Variants in TRIM24 observed in about 807,000 individuals in gnomAD.
TRIM24 encodes transcription intermediary factor 1-alpha.
Under a neutral mutation model 123.9 loss-of-function variants are expected in TRIM24, and 29 were observed. The ratio of observed to expected loss-of-function variants is 0.23; its 90% confidence interval spans 0.17 to 0.32. TRIM24 has a LOEUF of 0.32. Among genes scored for constraint, TRIM24 ranks in the 10% least tolerant of loss-of-function variants. TRIM24 has a pLI of 1.00. For synonymous variants in TRIM24, 456 were observed against 461.1 expected, an observed-to-expected ratio of 0.99 and a Z score of 0.14; for missense variants, 932 against 1,295.3, an observed-to-expected ratio of 0.72 and a Z score of 4.31.
intron 1 of TRIM24, among the ~76,000 whole-genome samples, chr7:138,494,289 T>C (rs1379615411): frequency 6.6e-6 from 1 of 152,096 alleles, no homozygotes; most frequent in East Asian, 2.0e-4. Context: ...ACTGGTGTTA[T>C]TATTTTTTAA....
At chr7:138,478,620 G>A (rs1000498220) in intron 1 of TRIM24, among the ~76,000 whole-genome samples, 2 of 152,124 alleles carry the variant, frequency 1.3e-5, no homozygotes, top group African/African-American at 4.8e-5. Context: ...GGGACAACAG[G>A]TGCATGCTAC....
At chr7:138,541,156 A>T (rs1451899852) in intron 7 of TRIM24, among the ~76,000 whole-genome samples, 2 of 152,112 alleles carry the variant, frequency 1.3e-5, no homozygotes, top group Non-Finnish European at 2.9e-5. Flanking sequence ...GTATTTCTTA[A>T]TAATTATTTC....
intron 6 of TRIM24, among the ~76,000 whole-genome samples, chr7:138,535,191 A>C (rs1796840679): frequency 6.6e-6 from 1 of 152,156 alleles, no homozygotes; most frequent in Non-Finnish European, 1.5e-5. Context: ...TGTGTGTTTT[A>C]ATTGGAGCAT....
At chr7:138,496,417 T>C (rs1392953673) in intron 1 of TRIM24, among the ~76,000 whole-genome samples, 1 of 152,214 alleles carries the variant, frequency 6.6e-6, no homozygotes, top group Non-Finnish European at 1.5e-5. Flanking sequence ...CCAATCTGGA[T>C]TTATTTATTT....
chr7:138,531,240 CGTTACAT>C (rs922217830), intron 6 of TRIM24, among the ~76,000 whole-genome samples: 4 of 146,240 alleles, frequency 2.7e-5, no homozygotes, highest in Admixed American at 6.7e-5. Context: ...ACATGTTACA[CGTTACAT>C]GTTACATATG....
intron 7 of TRIM24, chr7:138,545,531 T>A: frequency 2.2e-6 from 1 of 456,840 alleles, no homozygotes; most frequent in South Asian, 1.5e-5. Flanking sequence ...GGATTGGAAT[T>A]AAGAGTACAA....
At chr7:138,479,608 G>T (rs1304895562) in intron 1 of TRIM24, among the ~76,000 whole-genome samples, 1 of 151,850 alleles carries the variant, frequency 6.6e-6, no homozygotes, top group East Asian at 1.9e-4. Context: ...TGCCTCCTGG[G>T]TTCAAGCAAT....
chr7:138,534,410 T>G (rs1171070309), intron 6 of TRIM24, among the ~76,000 whole-genome samples: 2 of 152,234 alleles, frequency 1.3e-5, no homozygotes, highest in Non-Finnish European at 2.9e-5. Context: ...CCAGGTACGT[T>G]GTGTCTTTGT....
chr7:138,559,108 G>A (rs146020633), intron 9 of TRIM24, among the ~76,000 whole-genome samples: 2 of 152,286 alleles, frequency 1.3e-5, no homozygotes, highest in Non-Finnish European at 2.9e-5. Context: ...TTCAAACCAA[G>A]TCTCAATAGG....
In TRIM24 at chr7:138,508,708, C is replaced by CGCGTGTGTGTGTGCGT. The variant is rs139423741; in HGVS notation, c.483+4301_483+4302insCGTGTGTGTGTGCGTG. On this transcript the variant is annotated intron_variant, in intron 2 of 18. Transcript: ENST00000343526. The stretch of plus-strand genomic sequence containing the variant: ...GTGTGTGTGTGCGCGCGCGTGTGTG[C>CGCGTGTGTGTGTGCGT]GTGTGTGTGTGCGTGTGTGTGTGTG... Among the ~76,000 whole-genome samples, 68 of 136,284 alleles carry CGCGTGTGTGTGTGCGT rather than the reference C, an allele frequency of 5.0e-4. 1 individual carries two copies. The highest frequency in any genetic ancestry group is 9.2e-4 in the Non-Finnish European group (58 of 63,072). The allele number at this position is 136,284 out of a possible 152,430, so 89.4% of individuals were successfully genotyped here.
chr7:138,463,989 C>CTTTTTTTTTATTTTTTTTTTTTTT (rs1795072955), intron 1 of TRIM24, among the ~76,000 whole-genome samples: 1 of 50,766 alleles, frequency 2.0e-5, no homozygotes, highest in Non-Finnish European at 3.6e-5. Flanking sequence ...AAAATTTAGA[C>CTTTTTTTTTATTTTTTTTTTTTTT]TTTTTTTTTT....
chr7:138,584,909 G>A lies in TRIM24; in HGVS notation c.3111G>A (p.Lys1037=). The change falls in exon 19 of 19, where the codon AAG becomes AAA. Residue 1037 remains lysine, a synonymous_variant. Coordinates refer to ENST00000343526, the MANE Select transcript of TRIM24 (RefSeq NM_015905.3). ...DSDDDFVQPR[K]KRLKSIEERQ... is the part of the protein sequence containing the mutation. ...ATGATGACTTTGTACAGCCCCGGAAGAAACGCCTCAAAAGCATTGAAGAAC... is the reference window on the plus strand; with the variant it reads ...ATGATGACTTTGTACAGCCCCGGAAAAAACGCCTCAAAAGCATTGAAGAAC... The A allele has an allele frequency of 1.2e-6, 2 of 1,613,270 alleles. No individual in the cohort carries two copies. Among genetic ancestry groups the A allele is most frequent in the Non-Finnish European group, 1.7e-6 (2 of 1,179,742 alleles).
chr7:138,526,880 GAAGA>G (rs1050381609), intron 5 of TRIM24, among the ~76,000 whole-genome samples: 7 of 152,102 alleles, frequency 4.6e-5, no homozygotes, highest in Non-Finnish European at 7.4e-5. Context: ...TTGAATGAAT[GAAGA>G]GAGATAATTA....
chr7:138,550,592 T>TA (rs1797191463), intron 7 of TRIM24, among the ~76,000 whole-genome samples: 2 of 152,024 alleles, frequency 1.3e-5, no homozygotes, highest in Admixed American at 6.6e-5. Flanking sequence ...AAGCTGGTTG[T>TA]ATTCAGGGCG....
chr7:138,497,818 G>C (rs984214823), intron 1 of TRIM24, among the ~76,000 whole-genome samples: 5 of 147,010 alleles, frequency 3.4e-5, no homozygotes, highest in Admixed American at 6.8e-5. Context: ...AGCCTCCCAA[G>C]TAGCTGGGAC....
At chr7:138,557,938 A>T (rs1031406759) in intron 9 of TRIM24, among the ~76,000 whole-genome samples, 5 of 142,868 alleles carry the variant, frequency 3.5e-5, no homozygotes, top group Admixed American at 3.0e-4. Flanking sequence ...ATAATATTGG[A>T]TTATTCTCTC....
At chr7:138,532,056 G>A (rs994543164) in intron 6 of TRIM24, among the ~76,000 whole-genome samples, 20 of 151,992 alleles carry the variant, frequency 1.3e-4, no homozygotes, top group Non-Finnish European at 2.8e-4. Flanking sequence ...ACTTTTTGAT[G>A]GGGTTGTTTG....
At chr7:138,569,473 C>T (rs780328412) in intron 10 of TRIM24, among the ~76,000 whole-genome samples, 40 of 152,048 alleles carry the variant, frequency 2.6e-4, no homozygotes, top group Non-Finnish European at 2.1e-4. Context: ...TTTCTGAGTA[C>T]GTGAGGAAAA....
chr7:138,504,794 G>A (rs1006443472), intron 2 of TRIM24, among the ~76,000 whole-genome samples: 13 of 139,936 alleles, frequency 9.3e-5, no homozygotes, highest in East Asian at 2.2e-4. Flanking sequence ...GGAGTCTTGC[G>A]TTGTTGCCCA....
Sources: allele counts gnomAD v4.1 joint callset (sites outside exome capture counted in the v4.1 genomes callset), GRCh38; gene constraint gnomAD v4.1.1; transcripts MANE v1.5; gene names NCBI Gene and HGNC (gene_info 2026-07-23, HGNC 2026-07-21).